The following PCDH11X variants were observed in gnomAD, a reference collection of about 807,000 sequenced individuals.
PCDH11X encodes the protein protocadherin-11 X-linked.
A neutral mutation model predicts 53.3 loss-of-function variants in PCDH11X; 18 were observed. The ratio of observed to expected loss-of-function variants is 0.34; its 90% CI spans 0.23 to 0.50. The LOEUF is 0.50. Ranked by LOEUF, PCDH11X falls within the 20% of genes least tolerant of loss-of-function variation. The pLI is 0.98. For synonymous variants in PCDH11X, 279 were observed against 393.3 expected, an observed-to-expected ratio of 0.71 and a Z score of 3.44; for missense variants, 570 against 1,032.4, an observed-to-expected ratio of 0.55 and a Z score of 6.14.
intron 8 of PCDH11X, among the ~76,000 whole-genome samples, chrX:92,343,131 G>A (rs1354054188): frequency 8.9e-6 from 1 of 112,223 alleles, no homozygotes; most frequent in African/African-American, 3.2e-5. Flanking sequence ...CATTTTAAAT[G>A]TGTAAAGGAC....
intron 6 of PCDH11X, among the ~76,000 whole-genome samples, chrX:92,092,926 C>T (rs1306346329): frequency 1.8e-5 from 2 of 111,154 alleles, no homozygotes; most frequent in African/African-American, 6.5e-5. Context: ...GGTTTACCAC[C>T]ATCCCCCTTA....
At chrX:92,080,832 T>C (rs2063845321) in intron 6 of PCDH11X, among the ~76,000 whole-genome samples, 1 of 111,197 alleles carries the variant, frequency 9.0e-6, no homozygotes, top group African/African-American at 3.3e-5. Context: ...CGGCTTTGGC[T>C]AGGTTAGTTA....
rs1205114132 is a variant in PCDH11X at position 92,129,981 on chromosome X, CGCACAT to C, written c.3034-71388_3034-71383del. On this transcript the variant is annotated intron_variant, in intron 6 of 10. Transcript: ENST00000682573. ...TTATATGCGCACACGCACACGCACA[CGCACAT>C]GCACACACACACATTTCCAAATTTA... is the stretch of plus-strand genomic sequence containing the variant. 1.6e-3 allele frequency among the ~76,000 whole-genome samples: 174 copies of C among 111,791 alleles called. No homozygotes were observed. The East Asian group carries it at 0.024, about 15-fold the overall frequency.
At chrX:92,232,747 C>T (rs1282127137) in intron 7 of PCDH11X, among the ~76,000 whole-genome samples, 3 of 112,179 alleles carry the variant, frequency 2.7e-5, no homozygotes, top group Non-Finnish European at 5.6e-5. Flanking sequence ...GACGGAGTCT[C>T]GTTTTGTCGC....
At chrX:92,012,082 A>G (rs1240561393) in intron 6 of PCDH11X, among the ~76,000 whole-genome samples, 1 of 111,157 alleles carries the variant, frequency 9.0e-6, no homozygotes, top group Non-Finnish European at 1.9e-5. Context: ...AGGCAAATCT[A>G]GCATATATCC....
chrX:91,955,567 GT>G (rs1409331506), intron 6 of PCDH11X, among the ~76,000 whole-genome samples: 1 of 110,680 alleles, frequency 9.0e-6, no homozygotes, highest in African/African-American at 3.3e-5. Flanking sequence ...TTTCCATGTA[GT>G]TGTGTGGTTT....
chrX:92,338,704 G>A (rs1447431160), intron 8 of PCDH11X, among the ~76,000 whole-genome samples: 1 of 111,177 alleles, frequency 9.0e-6, no homozygotes, highest in African/African-American at 3.3e-5. Flanking sequence ...TAACCAATAG[G>A]CAATCAAATC....
At chrX:92,486,530 G>T (rs1375580983) in intron 10 of PCDH11X, among the ~76,000 whole-genome samples, 1 of 111,489 alleles carries the variant, frequency 9.0e-6, no homozygotes, top group East Asian at 2.8e-4. Context: ...ATGTGAAAAA[G>T]TAAATTGACT....
In PCDH11X at chrX:92,271,171, G is replaced by A. The variant is rs538106576; in HGVS notation, c.3144+8028G>A. 5.4e-5 allele frequency among the ~76,000 whole-genome samples: 6 copies of A among 112,120 alleles called. No homozygotes were observed. In the South Asian group the frequency reaches 2.2e-3, roughly 41 times the overall value. Reference sequence around the variant, plus strand: ...TAATTCAGTTCTCTTTTTCTTCCTGGTGCAGGGAGGGAACACCCTTACAAA... The same window carrying A: ...TAATTCAGTTCTCTTTTTCTTCCTGATGCAGGGAGGGAACACCCTTACAAA... On this transcript the variant is annotated intron_variant, in intron 8 of 10. Transcript: ENST00000682573.
At chrX:91,780,453 T>TA (rs907548767) in intron 1 of PCDH11X, among the ~76,000 whole-genome samples, 16 of 112,239 alleles carry the variant, frequency 1.4e-4, no homozygotes, top group Middle Eastern at 4.6e-3. Flanking sequence ...TTTTCTCATT[T>TA]AAAAAAAATG....
chrX:91,928,259 T>A (rs1354415957), intron 6 of PCDH11X, among the ~76,000 whole-genome samples: 2 of 109,793 alleles, frequency 1.8e-5, no homozygotes, highest in Non-Finnish European at 3.8e-5. Context: ...CAAACGTGGC[T>A]CTTGTGGATT....
At chrX:92,235,493 G>C (rs1449435009) in intron 7 of PCDH11X, among the ~76,000 whole-genome samples, 1 of 111,262 alleles carries the variant, frequency 9.0e-6, no homozygotes, top group East Asian at 2.8e-4. Context: ...TTTTAACACA[G>C]GTGTTCCAAA....
intron 6 of PCDH11X, among the ~76,000 whole-genome samples, chrX:91,904,465 AACTTGTACTTGTT>A (rs1428023740): frequency 9.0e-6 from 1 of 111,063 alleles, no homozygotes; most frequent in Non-Finnish European, 1.9e-5. Flanking sequence ...TCTCAAAAAT[AACTTGTACTTGTT>A]ATTTAATTGT....
At chrX:92,488,075 A>G (rs1192515044) in intron 10 of PCDH11X, among the ~76,000 whole-genome samples, 2 of 111,794 alleles carry the variant, frequency 1.8e-5, no homozygotes, top group African/African-American at 3.2e-5. Flanking sequence ...AGCTGTGACT[A>G]TAGGCATATG....
At chrX:92,509,414 T>C in intron 10 of PCDH11X, among the ~76,000 whole-genome samples, 1 of 109,344 alleles carries the variant, frequency 9.1e-6, no homozygotes, top group East Asian at 3.0e-4. Context: ...ATCCTGATTA[T>C]TTAAGGATAA....
chrX:92,361,086 C>A (rs2070335863), intron 8 of PCDH11X, among the ~76,000 whole-genome samples: 1 of 110,753 alleles, frequency 9.0e-6, no homozygotes, highest in Admixed American at 9.7e-5. Context: ...GGTATTATCT[C>A]AATTACTGTT....
chrX:92,610,375 G>C (rs1168909031), intron 10 of PCDH11X, among the ~76,000 whole-genome samples: 4 of 109,479 alleles, frequency 3.7e-5, no homozygotes, highest in African/African-American at 1.0e-4. Context: ...TTATATGTTT[G>C]TTGGCCCCTT....
At chrX:92,526,089 T>C (rs931558136) in intron 10 of PCDH11X, among the ~76,000 whole-genome samples, 3 of 111,503 alleles carry the variant, frequency 2.7e-5, no homozygotes, top group Admixed American at 9.6e-5. Context: ...ATAAAATTCA[T>C]TCTTAATTCA....
chrX:91,865,965 C>T (rs1938964664), intron 5 of PCDH11X, among the ~76,000 whole-genome samples: 1 of 109,061 alleles, frequency 9.2e-6, no homozygotes, highest in Non-Finnish European at 1.9e-5. Context: ...GAATTGAGGA[C>T]CCCAAAAGCC....
Sources: allele counts gnomAD v4.1 joint callset (sites outside exome capture counted in the v4.1 genomes callset), GRCh38; gene constraint gnomAD v4.1.1; transcripts MANE v1.5; gene names NCBI Gene and HGNC (gene_info 2026-07-23, HGNC 2026-07-21).